The following FMN1 variants were observed in gnomAD, a reference collection of about 807,000 sequenced individuals.
The protein encoded by FMN1 is formin 1.
FMN1 carries 110 observed loss-of-function variants against 132.4 expected under a neutral mutation model. That is an observed-to-expected ratio of 0.83 (90% CI 0.71 to 0.97). The LOEUF (loss-of-function observed/expected upper bound fraction) is 0.97. Among genes scored for constraint, FMN1 ranks in the 50% least tolerant of loss-of-function variants. The pLI, the probability that FMN1 is intolerant of heterozygous loss-of-function variation, is 0.00. For missense variants in FMN1, 1,792 were observed against 1,705.3 expected, an observed-to-expected ratio of 1.05 and a Z score of -0.90; for synonymous variants, 722 against 651.7, an observed-to-expected ratio of 1.11 and a Z score of -1.64.
chr15:32,933,647 G>A (rs917719934), intron 9 of FMN1, among the ~76,000 whole-genome samples: 6 of 152,174 alleles, frequency 3.9e-5, no homozygotes, highest in East Asian at 3.9e-4. Flanking sequence ...TGGCTTGTAC[G>A]TTGGGTGCAC....
chr15:32,785,216 A>ATTTTT (rs1281698107), intron 19 of FMN1, among the ~76,000 whole-genome samples: 10 of 20,088 alleles, frequency 5.0e-4, no homozygotes, highest in Admixed American at 3.0e-3. Flanking sequence ...ATATATATAT[A>ATTTTT]TATTTTTTTT....
chr15:33,131,284 G>C (rs376637487), intron 4 of FMN1, among the ~76,000 whole-genome samples: 2 of 139,764 alleles, frequency 1.4e-5, no homozygotes, highest in South Asian at 4.5e-4. Flanking sequence ...AGCTGAGATC[G>C]CTCCACTGCA....
chr15:32,929,695 G>C (rs958600355), intron 9 of FMN1, among the ~76,000 whole-genome samples: 2 of 151,632 alleles, frequency 1.3e-5, no homozygotes, highest in African/African-American at 4.8e-5. Context: ...TTATCTTTTT[G>C]TGACTAGATT....
chr15:33,139,168 T>C (rs939487233), intron 4 of FMN1, among the ~76,000 whole-genome samples: 16 of 152,260 alleles, frequency 1.1e-4, no homozygotes, highest in South Asian at 2.1e-4. Flanking sequence ...ATGAGTCTAA[T>C]AATTACATTG....
At chr15:33,039,495 TTA>T (rs1457197046) in intron 6 of FMN1, among the ~76,000 whole-genome samples, 1 of 152,238 alleles carries the variant, frequency 6.6e-6, no homozygotes, top group Non-Finnish European at 1.5e-5. Flanking sequence ...ACAGCTGGTT[TTA>T]TGAAACGTTC....
chr15:32,900,329 CAAAT>C (rs2060265364), intron 13 of FMN1: 1 of 700,372 alleles, frequency 1.4e-6, no homozygotes, highest in Non-Finnish European at 2.6e-6. Flanking sequence ...TCTACCCACT[CAAAT>C]TAATTATAAA....
At chr15:32,903,595 C>CGATA (rs2060348796) in intron 12 of FMN1, among the ~76,000 whole-genome samples, 1 of 152,194 alleles carries the variant, frequency 6.6e-6, no homozygotes, top group African/African-American at 2.4e-5. Context: ...TGTACACTTC[C>CGATA]TATCACAGTG....
intron 16 of FMN1, among the ~76,000 whole-genome samples, chr15:32,867,038 A>C (rs1214707663): frequency 6.6e-6 from 1 of 152,194 alleles, no homozygotes; most frequent in Non-Finnish European, 1.5e-5. Flanking sequence ...TTCAGTAACC[A>C]TATCTGGGAT....
chr15:33,077,127 C>CGCA (rs2038243479), intron 5 of FMN1, among the ~76,000 whole-genome samples: 1 of 152,124 alleles, frequency 6.6e-6, no homozygotes, highest in Non-Finnish European at 1.5e-5. Context: ...CCTCCCAGGG[C>CGCA]GCAAGCCATC....
intron 4 of FMN1, among the ~76,000 whole-genome samples, chr15:33,103,316 C>G (rs1315272097): frequency 6.6e-6 from 1 of 152,060 alleles, no homozygotes; most frequent in Non-Finnish European, 1.5e-5. Flanking sequence ...TTTAACCTCT[C>G]TATGTCCCAG....
At chr15:33,139,721 C>T (rs1595556467) in intron 4 of FMN1, among the ~76,000 whole-genome samples, 1 of 152,178 alleles carries the variant, frequency 6.6e-6, no homozygotes, top group Non-Finnish European at 1.5e-5. Context: ...AGGAGAGCAT[C>T]AAAATTCAAG....
intron 16 of FMN1, among the ~76,000 whole-genome samples, chr15:32,873,914 C>G (rs1364571135): frequency 1.3e-5 from 2 of 152,002 alleles, no homozygotes; most frequent in Admixed American, 6.6e-5. Flanking sequence ...CTCAGCAAAA[C>G]CGCTCCATCA....
At chr15:33,075,068 G>T (rs1361564464) in intron 5 of FMN1, among the ~76,000 whole-genome samples, 2 of 146,130 alleles carry the variant, frequency 1.4e-5, no homozygotes, top group Non-Finnish European at 3.0e-5. Context: ...TGAGTCCTGG[G>T]CTCACACCAT....
At chr15:33,118,728 T>C (rs1010087425) in intron 4 of FMN1, among the ~76,000 whole-genome samples, 7 of 152,148 alleles carry the variant, frequency 4.6e-5, no homozygotes, top group African/African-American at 1.4e-4. Context: ...TATTTTCACC[T>C]ATTTTGGTTA....
chr15:33,102,007 C>T (rs1311619226), intron 4 of FMN1, among the ~76,000 whole-genome samples: 6 of 152,134 alleles, frequency 3.9e-5, no homozygotes, highest in South Asian at 2.1e-4. Context: ...CTTCAGCACC[C>T]TCCTTAAATT....
intron 19 of FMN1, among the ~76,000 whole-genome samples, chr15:32,797,368 G>C (rs893381213): frequency 6.6e-6 from 1 of 152,228 alleles, no homozygotes; most frequent in African/African-American, 2.4e-5. Flanking sequence ...GCCCACTGTG[G>C]GATGTCCCAG....
intron 17 of FMN1, among the ~76,000 whole-genome samples, chr15:32,848,149 C>T (rs1370433937): frequency 6.6e-6 from 1 of 152,096 alleles, no homozygotes; most frequent in African/African-American, 2.4e-5. Context: ...AGGTAAAACA[C>T]CCTACATATT....
At chr15:32,897,593 G>A (rs1037109904) in intron 15 of FMN1, among the ~76,000 whole-genome samples, 8 of 152,166 alleles carry the variant, frequency 5.3e-5, no homozygotes, top group Admixed American at 2.6e-4. Flanking sequence ...CGTGTAGAGG[G>A]AAAGTAATAA....
At chr15:33,134,149 A>C (rs1963662784) in intron 4 of FMN1, among the ~76,000 whole-genome samples, 1 of 152,036 alleles carries the variant, frequency 6.6e-6, no homozygotes, top group African/African-American at 2.4e-5. Flanking sequence ...GGGTTTTGCC[A>C]TGCTGGTCGG....
Sources: allele counts gnomAD v4.1 joint callset (sites outside exome capture counted in the v4.1 genomes callset), GRCh38; gene constraint gnomAD v4.1.1; transcripts MANE v1.5; gene names NCBI Gene and HGNC (gene_info 2026-07-23, HGNC 2026-07-21).